The following NETO1 variants were observed in gnomAD, a reference collection of about 807,000 sequenced individuals.
NETO1 encodes neuropilin and tolloid-like protein 1.
A neutral mutation model predicts 61.3 loss-of-function variants in NETO1; 26 were observed. The ratio of observed to expected loss-of-function variants is 0.42; its 90% CI spans 0.31 to 0.59. NETO1 has a LOEUF of 0.59. NETO1 is among the 20% of genes least tolerant of loss of function. NETO1 has a pLI of 0.12. For missense variants in NETO1, 531 were observed against 662.8 expected (o/e 0.80, Z 2.18); for synonymous variants, 225 against 225.8 (o/e 1.00, Z 0.03).
chr18:72,829,425 G>A (rs758903941), intron 4 of NETO1, among the ~76,000 whole-genome samples: 8 of 151,976 alleles, frequency 5.3e-5, no homozygotes, highest in Non-Finnish European at 1.2e-4. Context: ...ACTCCAATCA[G>A]TTATTCAATC....
In NETO1 at chr18:72,777,953, C is replaced by T. The variant is rs556365729; in HGVS notation, c.868+5725G>A. On this transcript the variant is annotated intron_variant, in intron 7 of 10. Coordinates refer to ENST00000327305, the MANE Select transcript of NETO1 (RefSeq NM_138966.5). ...TTGTTAGTGGGGGCTCTCTGCAGTG[C>T]GCCCCCTTGCAAATACTCTCTGTCC... 9.5e-4 allele frequency among the ~76,000 whole-genome samples: 145 copies of T among 152,212 alleles called. 1 individual carries two copies. The highest frequency in any genetic ancestry group is 3.3e-3 in the African/African-American group (139 of 41,534).
At chr18:72,812,637 G>C (rs768832614) in intron 4 of NETO1, among the ~76,000 whole-genome samples, 39 of 151,840 alleles carry the variant, frequency 2.6e-4, no homozygotes, top group Non-Finnish European at 5.1e-4. Context: ...GTAATGCTTA[G>C]AGCCAATCAT....
chr18:72,744,783 A>C lies in NETO1; in HGVS notation c.*3396T>G, dbSNP rs2070396676. 1 of 152,230 alleles carries C rather than the reference A, an allele frequency of 6.6e-6. No individual in the cohort carries two copies. The highest frequency in any genetic ancestry group is 2.4e-5 in the African/African-American group (1 of 41,476). The allele number at this position is 152,230 out of a possible 1,614,324, so 9.4% of individuals were successfully genotyped here. On this transcript the variant is annotated 3_prime_UTR_variant, in exon 11 of 11. Transcript: ENST00000327305. Reference sequence around the variant, plus strand: ...TATTTCACTGACAAAACATCAGTAAATTAATTGCCGCCACTTTAATCAAGG... The same window carrying C: ...TATTTCACTGACAAAACATCAGTAACTTAATTGCCGCCACTTTAATCAAGG...
At chr18:72,787,868 C>CAATCAA (rs1001335974) in intron 6 of NETO1, among the ~76,000 whole-genome samples, 4 of 151,988 alleles carry the variant, frequency 2.6e-5, no homozygotes, top group African/African-American at 9.7e-5. Context: ...TTAAAGAAAA[C>CAATCAA]AATCAAAAAC....
intron 4 of NETO1, among the ~76,000 whole-genome samples, chr18:72,828,215 G>A (rs965876281): frequency 3.3e-5 from 5 of 152,132 alleles, no homozygotes; most frequent in African/African-American, 7.2e-5. Context: ...GGAAGCTGAC[G>A]GGGGATAATC....
intron 4 of NETO1, among the ~76,000 whole-genome samples, chr18:72,851,212 G>T (rs1380866546): frequency 6.6e-6 from 1 of 152,116 alleles, no homozygotes; most frequent in Non-Finnish European, 1.5e-5. Context: ...GGGAGTTCGA[G>T]ACCAGCCTGA....
At chr18:72,794,676 C>T (rs1051926012) in intron 4 of NETO1, among the ~76,000 whole-genome samples, 2 of 152,124 alleles carry the variant, frequency 1.3e-5, no homozygotes, top group East Asian at 3.9e-4. Context: ...CTCTAATTAT[C>T]AAATAAAAAT....
chr18:72,750,746 CAGGCTTATAAT>C, intron 8 of NETO1, 126 bp from the exon 9 acceptor site: 2 of 626,828 alleles, frequency 3.2e-6, no homozygotes, highest in Non-Finnish European at 5.3e-6. Context: ...AGAATTTTTA[CAGGCTTATAAT>C]AACTTAAGAA....
chr18:72,850,198 A>T (rs1316483406), intron 4 of NETO1, among the ~76,000 whole-genome samples: 1 of 152,228 alleles, frequency 6.6e-6, no homozygotes, highest in Non-Finnish European at 1.5e-5. Flanking sequence ...ACAGACTATG[A>T]ACTCACTGTA....
At chr18:72,798,047 A>AT (rs1245311124) in intron 4 of NETO1, among the ~76,000 whole-genome samples, 2 of 152,106 alleles carry the variant, frequency 1.3e-5, no homozygotes, top group African/African-American at 4.8e-5. Context: ...TTGTCTGTAT[A>AT]TTTTTTTACC....
intron 4 of NETO1, among the ~76,000 whole-genome samples, chr18:72,852,983 C>T (rs1484290793): frequency 1.5e-4 from 23 of 151,938 alleles, no homozygotes. Context: ...CAGGCGCCTG[C>T]CACCACGCCC....
At chr18:72,758,258 T>C (rs1163770746) in intron 7 of NETO1, among the ~76,000 whole-genome samples, 2 of 152,094 alleles carry the variant, frequency 1.3e-5, no homozygotes, top group Non-Finnish European at 2.9e-5. Context: ...TTACCAAGAA[T>C]GCAATAAGTA....
downstream of NETO1, chr18:72,742,916 ATAAAG>A (rs2070364977): frequency 6.6e-6 from 1 of 152,196 alleles, no homozygotes; most frequent in Admixed American, 6.5e-5. Flanking sequence ...CCTTGAAACA[ATAAAG>A]TATAGTAGAA....
chr18:72,798,496 C>A (rs2072394545), intron 4 of NETO1, among the ~76,000 whole-genome samples: 1 of 152,166 alleles, frequency 6.6e-6, no homozygotes, highest in African/African-American at 2.4e-5. Flanking sequence ...TGGTGACAGG[C>A]TTTGTAGTGG....
chr18:72,829,548 T>G (rs993845513), intron 4 of NETO1, among the ~76,000 whole-genome samples: 1 of 152,176 alleles, frequency 6.6e-6, no homozygotes, highest in Non-Finnish European at 1.5e-5. Flanking sequence ...GAAATTTAAA[T>G]GTATATTTAA....
intron 4 of NETO1, among the ~76,000 whole-genome samples, chr18:72,837,238 A>C (rs532463284): frequency 6.6e-6 from 1 of 152,282 alleles, no homozygotes; most frequent in Admixed American, 6.5e-5. Context: ...AATGAGCGCA[A>C]GTTTGGACAT....
intron 6 of NETO1, among the ~76,000 whole-genome samples, chr18:72,789,586 C>G (rs2072045044): frequency 6.6e-6 from 1 of 152,096 alleles, no homozygotes; most frequent in Non-Finnish European, 1.5e-5. Flanking sequence ...ACAATTTTAG[C>G]AGCTTTAAAT....
rs187537512 is a variant in NETO1 at position 72,802,081 on chromosome 18, T to C, written c.470-7677A>G. On this transcript the variant is annotated intron_variant, in intron 4 of 10. Coordinates refer to ENST00000327305, the MANE Select transcript of NETO1 (RefSeq NM_138966.5). ...CACTTTATAGATGTTAATAATTTCATAGGACTTAGAAAAATAGGCATTTTT... is the reference window on the plus strand; with the variant it reads ...CACTTTATAGATGTTAATAATTTCACAGGACTTAGAAAAATAGGCATTTTT... Among the ~76,000 whole-genome samples the C allele has an allele frequency of 2.6e-5, 4 of 152,094 alleles. No individual in the cohort carries two copies. In the East Asian group the frequency reaches 5.8e-4, roughly 22 times the overall value.
intron 8 of NETO1, among the ~76,000 whole-genome samples, chr18:72,755,598 G>A (rs918005640): frequency 1.3e-5 from 2 of 152,126 alleles, no homozygotes; most frequent in Non-Finnish European, 2.9e-5. Context: ...GTGGAGTGAA[G>A]TAGCTGGAAG....
Sources: allele counts gnomAD v4.1 joint callset (sites outside exome capture counted in the v4.1 genomes callset), GRCh38; gene constraint gnomAD v4.1.1; transcripts MANE v1.5; gene names NCBI Gene and HGNC (gene_info 2026-07-23, HGNC 2026-07-21).